The following PPP6R3 variants were observed in gnomAD, a reference collection of about 807,000 sequenced individuals.
PPP6R3 encodes protein phosphatase 6 regulatory subunit 3.
PPP6R3 carries 38 observed loss-of-function variants against 110.7 expected under a neutral mutation model. The observed-to-expected ratio is 0.34, with a 90% CI of 0.26 to 0.45. PPP6R3 has a LOEUF of 0.45. Ranked by LOEUF, PPP6R3 falls within the 20% of genes least tolerant of loss-of-function variation. PPP6R3 has a pLI of 1.00. For missense variants in PPP6R3, 870 were observed against 1,062.4 expected (o/e 0.82, Z 2.52); for synonymous variants, 369 against 373.5 (o/e 0.99, Z 0.14).
At chr11:68,602,374 CA>C (rs1178585729) in intron 21 of PPP6R3, among the ~76,000 whole-genome samples, 34 of 152,190 alleles carry the variant, frequency 2.2e-4, no homozygotes, top group Non-Finnish European at 1.2e-4. Context: ...TTCACTTCGC[CA>C]TTGTAAGCAG....
At chr11:68,472,698 G>T (rs1157107449) in intron 1 of PPP6R3, among the ~76,000 whole-genome samples, 2 of 151,658 alleles carry the variant, frequency 1.3e-5, no homozygotes, top group Non-Finnish European at 2.9e-5. Flanking sequence ...TACAACTGAT[G>T]GATTTTAATA....
chr11:68,554,191 G>A lies in PPP6R3; in HGVS notation c.665G>A (p.Ser222Asn). Residue 222 changes from serine to asparagine, a missense_variant, in exon 7 of 24, where the codon AGC (serine) becomes AAC (asparagine). Coordinates refer to ENST00000393800, the MANE Select transcript of PPP6R3 (RefSeq NM_001164161.2). ...TCACTTTGTGAAATTGTTCGCCTGA[G>A]CAGAGACCAGATGTTACAAATTCAG... is the stretch of plus-strand genomic sequence containing the variant. ...SQSLCEIVRL[S>N]RDQMLQIQNS... 6.2e-7 allele frequency: 1 copy of A among 1,613,888 alleles called. No individual in the cohort carries two copies. The highest frequency in any genetic ancestry group is 8.5e-7 in the Non-Finnish European group (1 of 1,179,924).
At chr11:68,466,439 T>C (rs990952035) in intron 1 of PPP6R3, among the ~76,000 whole-genome samples, 6 of 149,214 alleles carry the variant, frequency 4.0e-5, no homozygotes, top group Non-Finnish European at 7.4e-5. Flanking sequence ...TTTTCTTTTT[T>C]TTTTTTTTTT....
chr11:68,461,221 C>G (rs945182603), intron 1 of PPP6R3, among the ~76,000 whole-genome samples: 21 of 151,642 alleles, frequency 1.4e-4, no homozygotes, highest in South Asian at 6.2e-4. Context: ...GGCCCGCGCC[C>G]GGTCTCCGCT....
intron 1 of PPP6R3, among the ~76,000 whole-genome samples, chr11:68,473,299 C>G (rs1056076016): frequency 3.9e-5 from 6 of 152,200 alleles, no homozygotes; most frequent in African/African-American, 1.4e-4. Context: ...AATGTCACTG[C>G]CATAAAAATC....
chr11:68,592,084 G>A (rs1282091841), intron 18 of PPP6R3, among the ~76,000 whole-genome samples: 2 of 152,006 alleles, frequency 1.3e-5, no homozygotes, highest in Non-Finnish European at 2.9e-5. Flanking sequence ...AGGGGAAATT[G>A]TATTTAAAAG....
At chr11:68,576,131 A>G in intron 14 of PPP6R3, 88 bp downstream of exon 14, 2 of 940,378 alleles carry the variant, frequency 2.1e-6, no homozygotes, top group East Asian at 2.6e-5. Context: ...TCTTCCATTT[A>G]CCTCAGTAAC....
Position 68,550,122 on chromosome 11 carries a change from G to A in PPP6R3, c.553-999G>A, listed in dbSNP as rs187880999. The stretch of plus-strand genomic sequence containing the variant: ...TCTGTAATCTCAGGTCTCTTCCTTG[G>A]CCTACTGAATCAGAATATACATTTG... On this transcript the variant is annotated intron_variant, in intron 5 of 23. Transcript: ENST00000393800. Among the ~76,000 whole-genome samples the A allele has an allele frequency of 6.6e-5, 10 of 152,238 alleles. No homozygotes were observed. In the East Asian group the frequency reaches 1.9e-3, roughly 29 times the overall value.
At chr11:68,572,163 A>C (rs2099510030) in intron 12 of PPP6R3, among the ~76,000 whole-genome samples, 1 of 151,904 alleles carries the variant, frequency 6.6e-6, no homozygotes, top group Admixed American at 6.6e-5. Flanking sequence ...CTCTTTGGAG[A>C]TGCTGTTTGT....
chr11:68,525,275 A>G (rs1441421965), intron 2 of PPP6R3, among the ~76,000 whole-genome samples: 6 of 152,216 alleles, frequency 3.9e-5, no homozygotes, highest in African/African-American at 1.4e-4. Context: ...TAGGCACCTA[A>G]TAATTGGTAG....
chr11:68,573,153 T>A (rs186423048), intron 12 of PPP6R3, among the ~76,000 whole-genome samples: 1,465 of 103,434 alleles, frequency 0.014, 69 homozygotes, highest in African/African-American at 0.053. Flanking sequence ...TATATATATA[T>A]AATTTTTTTT....
At chr11:68,524,272 G>T (rs532418811) in intron 2 of PPP6R3, among the ~76,000 whole-genome samples, 1 of 152,256 alleles carries the variant, frequency 6.6e-6, no homozygotes, top group South Asian at 2.1e-4. Context: ...TACAGTACAA[G>T]ACAGGTCTTC....
Position 68,615,095 on chromosome 11 carries a change from C to T in PPP6R3, c.*1978C>T, listed in dbSNP as rs1945013830. ...CTGGGAGAGAGCCTCTGGGACTTTT[C>T]TTTGGGGCATCATTTTGTTTTGTCT... On this transcript the variant is annotated 3_prime_UTR_variant, in exon 24 of 24. Transcript: ENST00000393800. 1 of 465,406 alleles carries T rather than the reference C, an allele frequency of 2.1e-6. No homozygotes were observed. The highest frequency in any genetic ancestry group is 4.3e-6 in the Non-Finnish European group (1 of 233,314). The allele number at this position is 465,406 out of a possible 1,614,324, so 28.8% of individuals were successfully genotyped here.
chr11:68,494,363 A>AAGT (rs2099002914), intron 1 of PPP6R3, among the ~76,000 whole-genome samples: 1 of 150,058 alleles, frequency 6.7e-6, no homozygotes, highest in South Asian at 2.1e-4. Context: ...ATCTCTACTA[A>AAGT]AAATACAAAA....
At chr11:68,577,851 C>T (rs1274998639) in intron 14 of PPP6R3, among the ~76,000 whole-genome samples, 1 of 152,166 alleles carries the variant, frequency 6.6e-6, no homozygotes, top group Non-Finnish European at 1.5e-5. Flanking sequence ...CCATCATACT[C>T]GGACTGCATA....
intron 1 of PPP6R3, among the ~76,000 whole-genome samples, chr11:68,477,348 T>G (rs985894449): frequency 3.3e-5 from 5 of 152,086 alleles, no homozygotes; most frequent in Admixed American, 6.6e-5. Context: ...ATAACCCCAT[T>G]GTAAGTTGAG....
intron 5 of PPP6R3, 90 bp from the exon 6 acceptor site, chr11:68,551,031 G>T: frequency 1.1e-6 from 1 of 910,460 alleles, no homozygotes; most frequent in Non-Finnish European, 1.7e-6. Flanking sequence ...TACTTAAAAT[G>T]TGATGGATAT....
At chr11:68,504,949 T>G (rs943862460) in intron 1 of PPP6R3, among the ~76,000 whole-genome samples, 1 of 152,208 alleles carries the variant, frequency 6.6e-6, no homozygotes, top group Admixed American at 6.5e-5. Context: ...TTACAGCCTC[T>G]GTCATTGGGG....
At chr11:68,594,299 GGAGAGA>G (rs748973539) in intron 18 of PPP6R3, among the ~76,000 whole-genome samples, 9 of 139,308 alleles carry the variant, frequency 6.5e-5, no homozygotes, top group Middle Eastern at 3.8e-3. Context: ...AGAGGAGAGA[GGAGAGA>G]GAGAGAGAGA....
Sources: gnomAD v4.1 joint callset for allele counts (sites outside exome capture counted in the v4.1 genomes callset) on GRCh38, gnomAD v4.1.1 for gene constraint, MANE v1.5 for transcripts, NCBI Gene and HGNC (gene_info 2026-07-23, HGNC 2026-07-21) for gene names.